The following PTPRN2 variants were observed in gnomAD, a reference collection of about 807,000 sequenced individuals.
PTPRN2 encodes the protein receptor-type tyrosine-protein phosphatase N2.
A neutral mutation model predicts 118.8 loss-of-function variants in PTPRN2; 74 were observed. The ratio of observed to expected loss-of-function variants is 0.62; its 90% CI spans 0.52 to 0.76. PTPRN2 has a LOEUF of 0.76. Among genes scored for constraint, PTPRN2 ranks in the 30% least tolerant of loss-of-function variants. PTPRN2 has a pLI of 0.00. For synonymous variants in PTPRN2, 641 were observed against 608.0 expected (o/e 1.05, Z -0.80); for missense variants, 1,481 against 1,394.4 (o/e 1.06, Z -0.99).
At chr7:158,452,221 T>C (rs1818136980) in intron 2 of PTPRN2, among the ~76,000 whole-genome samples, 1 of 152,210 alleles carries the variant, frequency 6.6e-6, no homozygotes, top group Admixed American at 6.5e-5. Context: ...TTTCATAACT[T>C]TTCTGTTTAG....
intron 2 of PTPRN2, among the ~76,000 whole-genome samples, chr7:158,464,001 C>CA (rs1406243121): frequency 1.8e-5 from 1 of 55,810 alleles, no homozygotes; most frequent in African/African-American, 5.9e-5. Flanking sequence ...AGTAAATAAT[C>CA]CTTCATCATC....
At chr7:157,718,179 A>C (rs1307314510) in intron 12 of PTPRN2, among the ~76,000 whole-genome samples, 2 of 152,264 alleles carry the variant, frequency 1.3e-5, no homozygotes, top group Non-Finnish European at 2.9e-5. Flanking sequence ...GGATTTGGGA[A>C]AGATGATAAG....
At chr7:158,472,217 A>G (rs1563333788) in intron 2 of PTPRN2, among the ~76,000 whole-genome samples, 1 of 152,362 alleles carries the variant, frequency 6.6e-6, no homozygotes, top group Admixed American at 6.5e-5. Context: ...ATCTTAAGGC[A>G]AAGAACGATG....
intron 3 of PTPRN2, among the ~76,000 whole-genome samples, chr7:158,265,516 TC>T (rs1797814191): frequency 6.6e-6 from 1 of 151,668 alleles, no homozygotes; most frequent in Non-Finnish European, 1.5e-5. Flanking sequence ...GGTGCATATA[TC>T]CCCCCATGTC....
Position 158,310,675 on chromosome 7 carries a change from C to T in PTPRN2, c.277+6144G>A, listed in dbSNP as rs193082034. On this transcript the variant is annotated intron_variant, in intron 3 of 22. Coordinates refer to ENST00000389418, the MANE Select transcript of PTPRN2 (RefSeq NM_002847.5). ...ATCCCACGGAGGGCGAGCCCTGAGCCGGACAGAGCGCAAGTCCCACGGAGG... is the reference window on the plus strand; with the variant it reads ...ATCCCACGGAGGGCGAGCCCTGAGCTGGACAGAGCGCAAGTCCCACGGAGG... 3.5e-3 allele frequency among the ~76,000 whole-genome samples: 530 copies of T among 151,446 alleles called. 16 individuals carry two copies. Among genetic ancestry groups the T allele is most frequent in the Non-Finnish European group, 4.0e-3 (274 of 67,760 alleles).
chr7:158,460,798 C>A (rs1271187634), intron 2 of PTPRN2, among the ~76,000 whole-genome samples: 2 of 152,256 alleles, frequency 1.3e-5, no homozygotes, highest in Admixed American at 6.5e-5. Context: ...GATGTTGATG[C>A]AAGAAATGTT....
Position 157,839,470 on chromosome 7 carries a change from G to A in PTPRN2, c.1788+59203C>T, listed in dbSNP as rs757246503. Among the ~76,000 whole-genome samples, 102 of 151,222 alleles carry A rather than the reference G, an allele frequency of 6.7e-4. 1 individual carries two copies. Among genetic ancestry groups the A allele is most frequent in the Non-Finnish European group, 1.5e-4 (10 of 67,722 alleles). ...GTGTGTGTGGTTGTGTGACTGTGTG[G>A]GAGTGTATGTGAATGTGCATGTGTG... On this transcript the variant is annotated intron_variant, in intron 12 of 22. Transcript: ENST00000389418.
intron 14 of PTPRN2, among the ~76,000 whole-genome samples, chr7:157,628,650 G>C (rs1006532150): frequency 6.6e-6 from 1 of 152,222 alleles, no homozygotes. Context: ...TCACAGGGGA[G>C]AGCCAGAGTC....
intron 12 of PTPRN2, among the ~76,000 whole-genome samples, chr7:157,721,655 G>A (rs1035890176): frequency 6.6e-6 from 1 of 152,200 alleles, no homozygotes; most frequent in African/African-American, 2.4e-5. Flanking sequence ...TGGGAGGAAG[G>A]TGGCTGATGG....
chr7:157,561,016 G>A (rs1050505213), intron 21 of PTPRN2, among the ~76,000 whole-genome samples: 7 of 152,108 alleles, frequency 4.6e-5, no homozygotes, highest in African/African-American at 1.2e-4. Context: ...CCTCTCCTGG[G>A]CCCCGTGGCT....
intron 2 of PTPRN2, among the ~76,000 whole-genome samples, chr7:158,330,045 C>A (rs191589080): frequency 1.4e-5 from 2 of 146,870 alleles, no homozygotes; most frequent in Non-Finnish European, 1.5e-5. Flanking sequence ...CATCTGCAGA[C>A]GTCACTCACA....
chr7:158,008,386 A>T (rs2128866792), intron 11 of PTPRN2, among the ~76,000 whole-genome samples: 1 of 152,344 alleles, frequency 6.6e-6, no homozygotes, highest in South Asian at 2.1e-4. Flanking sequence ...TTGTTTACAG[A>T]GAAGGCCGCG....
intron 10 of PTPRN2, among the ~76,000 whole-genome samples, chr7:158,089,255 A>T (rs1470001693): frequency 3.7e-5 from 1 of 26,942 alleles, no homozygotes; most frequent in Non-Finnish European, 1.1e-4. Flanking sequence ...CTTCACACAA[A>T]CCTTCCTCCC....
intron 12 of PTPRN2, among the ~76,000 whole-genome samples, chr7:157,699,069 A>G (rs1191139405): frequency 6.6e-6 from 1 of 152,248 alleles, no homozygotes; most frequent in East Asian, 1.9e-4. Context: ...TCAGTTACAT[A>G]CTACACATCC....
chr7:158,509,324 C>T lies in PTPRN2; in HGVS notation c.113-19539G>A, dbSNP rs377307028. On this transcript the variant is annotated intron_variant, in intron 1 of 22. Coordinates refer to ENST00000389418, the MANE Select transcript of PTPRN2 (RefSeq NM_002847.5). The surrounding 1 kb of genome is among the most constrained non-coding windows in gnomAD (Gnocchi z 4.4). ...ATGAATAGTGCTCCCTGATCCCTAACGTGCAATCGGGGCTGGAGCCGGAGA... is the reference window on the plus strand; with the variant it reads ...ATGAATAGTGCTCCCTGATCCCTAATGTGCAATCGGGGCTGGAGCCGGAGA... 2.6e-5 allele frequency among the ~76,000 whole-genome samples: 4 copies of T among 152,150 alleles called. No homozygotes were observed. The highest frequency in any genetic ancestry group is 4.4e-5 in the Non-Finnish European group (3 of 68,018).
chr7:157,644,892 C>T (rs1638020), intron 14 of PTPRN2, among the ~76,000 whole-genome samples: 58,040 of 152,124 alleles, frequency 0.38, 11,649 homozygotes, highest in Middle Eastern at 0.48. Flanking sequence ...GATTTCCACC[C>T]GTGGGAACCA....
At position 157,929,534 on chromosome 7, in the gene PTPRN2, A is replaced by G. The variant is rs1433690359; in HGVS notation, c.1724-30797T>C. The stretch of plus-strand genomic sequence containing the variant: ...TGGCAGCCCAACAGAGGCTGGTCAT[A>G]GTTTTTGCCCTGGAATTCCCCTCCT... On this transcript the variant is annotated intron_variant, in intron 11 of 22. Coordinates refer to ENST00000389418, the MANE Select transcript of PTPRN2 (RefSeq NM_002847.5). This position sits in a 1 kb window ranked among gnomAD's most constrained non-coding sequence, Gnocchi z 4.4. Among the ~76,000 whole-genome samples, 1 of 152,088 alleles carries G rather than the reference A, an allele frequency of 6.6e-6. No homozygotes were observed. Among genetic ancestry groups the G allele is most frequent in the Non-Finnish European group, 1.5e-5 (1 of 68,006 alleles).
At chr7:157,879,043 A>C (rs10244983) in intron 12 of PTPRN2, among the ~76,000 whole-genome samples, 18,364 of 50,532 alleles carry the variant, frequency 0.36, 2,256 homozygotes, top group African/African-American at 0.57. Context: ...TGCACCCACA[A>C]TTACTCACCG....
rs185271355 is a variant in PTPRN2, at chr7:157,896,251, G to A, written c.1788+2422C>T. Among the ~76,000 whole-genome samples, 461 of 151,802 alleles carry A rather than the reference G, an allele frequency of 3.0e-3. 3 individuals are homozygous for A. Among genetic ancestry groups the A allele is most frequent in the Non-Finnish European group, 3.9e-3 (263 of 67,936 alleles). ...ACAGGTGCCCAGCAGAGGACAGGAG[G>A]AGCTGGGAAGATGAAACCCAGATCC... On this transcript the variant is annotated intron_variant, in intron 12 of 22. Transcript: ENST00000389418.
Sources: allele counts gnomAD v4.1 joint callset (sites outside exome capture counted in the v4.1 genomes callset), GRCh38; gene constraint gnomAD v4.1.1; non-coding constraint Gnocchi (gnomAD v3.1); transcripts MANE v1.5; gene names NCBI Gene and HGNC (gene_info 2026-07-23, HGNC 2026-07-21).